The following SPIRE1 variants were observed in gnomAD, a reference collection of about 807,000 sequenced individuals.
SPIRE1 encodes protein spire homolog 1.
A neutral mutation model predicts 94.1 loss-of-function variants in SPIRE1; 40 were observed. The ratio of observed to expected loss-of-function variants is 0.43; its 90% CI spans 0.33 to 0.55. The LOEUF (loss-of-function observed/expected upper bound fraction) is 0.55, where lower values mean the gene tolerates loss of function less well. SPIRE1 is among the 20% of genes least tolerant of loss of function. The pLI is 0.06. For missense variants in SPIRE1, 838 were observed against 975.2 expected (o/e 0.86, Z 1.87); for synonymous variants, 376 against 371.7 (o/e 1.01, Z -0.13).
intron 2 of SPIRE1, among the ~76,000 whole-genome samples, chr18:12,618,382 G>A (rs983417032): frequency 2.0e-5 from 3 of 152,120 alleles, no homozygotes; most frequent in Non-Finnish European, 2.9e-5. Context: ...TTACAGGCGA[G>A]AGCCACCGCG....
At chr18:12,555,783 C>T (rs999563378) in intron 2 of SPIRE1, among the ~76,000 whole-genome samples, 1 of 152,274 alleles carries the variant, frequency 6.6e-6, no homozygotes, top group Admixed American at 6.5e-5. Flanking sequence ...CCACTTTCAT[C>T]ACTGTTATTC....
chr18:12,647,423 C>T (rs2038256039), intron 1 of SPIRE1, among the ~76,000 whole-genome samples: 1 of 152,092 alleles, frequency 6.6e-6, no homozygotes, highest in African/African-American at 2.4e-5. Context: ...AGAGTTTGAA[C>T]ATCAAAAATA....
At chr18:12,626,130 G>T (rs2037619955) in intron 2 of SPIRE1, among the ~76,000 whole-genome samples, 1 of 150,658 alleles carries the variant, frequency 6.6e-6, no homozygotes, top group Non-Finnish European at 1.5e-5. Context: ...AGCTGATTTA[G>T]CTAAAGACAA....
chr18:12,623,022 C>A (rs2037518743), intron 2 of SPIRE1, among the ~76,000 whole-genome samples: 1 of 152,064 alleles, frequency 6.6e-6, no homozygotes, highest in Admixed American at 6.6e-5. Context: ...ATTAATGTGT[C>A]AATATTGTTA....
At chr18:12,533,969 A>ACACACAC (rs1440306764) in intron 4 of SPIRE1, among the ~76,000 whole-genome samples, 6 of 144,844 alleles carry the variant, frequency 4.1e-5, no homozygotes, top group African/African-American at 1.3e-4. Flanking sequence ...ACACACACAC[A>ACACACAC]ACTTATTTAT....
intron 2 of SPIRE1, among the ~76,000 whole-genome samples, chr18:12,621,902 T>C (rs948320061): frequency 2.0e-5 from 3 of 152,202 alleles, no homozygotes; most frequent in Non-Finnish European, 2.9e-5. Flanking sequence ...GAAATGGTCA[T>C]AAACCGAGGA....
chr18:12,468,281 A>G (rs140585868), intron 10 of SPIRE1, among the ~76,000 whole-genome samples: 295 of 152,344 alleles, frequency 1.9e-3, no homozygotes, highest in Middle Eastern at 6.8e-3. Flanking sequence ...GTGGAGCCGG[A>G]GCACACTACT....
Position 12,647,546 on chromosome 18 carries a change from A to C in SPIRE1, c.337+9984T>G, listed in dbSNP as rs1344525765. 2.0e-5 allele frequency among the ~76,000 whole-genome samples: 3 copies of C among 152,154 alleles called. No homozygotes were observed. The East Asian group carries it at 5.8e-4, about 30-fold the overall frequency. ...CAGGAAGATCACTTGAATGGGGTTC[A>C]AGACCAGCCTGGGCAATATAGTGAG... On this transcript the variant is annotated intron_variant, in intron 1 of 16. Coordinates refer to ENST00000409402, the MANE Select transcript of SPIRE1 (RefSeq NM_001128626.2).
At chr18:12,604,404 G>A (rs1056601452) in intron 2 of SPIRE1, among the ~76,000 whole-genome samples, 1 of 152,166 alleles carries the variant, frequency 6.6e-6, no homozygotes, top group Non-Finnish European at 1.5e-5. Context: ...ACTTCTTGGT[G>A]AGCAGAAGTC....
At chr18:12,630,797 G>A (rs1208401381) in intron 2 of SPIRE1, among the ~76,000 whole-genome samples, 1 of 152,202 alleles carries the variant, frequency 6.6e-6, no homozygotes, top group Non-Finnish European at 1.5e-5. Context: ...CAGAAAGGCT[G>A]AACAGGCTGC....
At chr18:12,636,560 C>A (rs1222103928) in intron 1 of SPIRE1, among the ~76,000 whole-genome samples, 1 of 150,952 alleles carries the variant, frequency 6.6e-6, no homozygotes, top group Non-Finnish European at 1.5e-5. Flanking sequence ...ACAACCACAA[C>A]TCCTCATCTC....
At chr18:12,506,736 C>A in intron 5 of SPIRE1, 95 bp from the exon 6 acceptor site, 1 of 1,218,970 alleles carries the variant, frequency 8.2e-7, no homozygotes, top group Non-Finnish European at 1.2e-6. Context: ...GCTTGGATTA[C>A]AAAACAATGA....
At position 12,454,382 on chromosome 18, in the gene SPIRE1, C is replaced by T. The variant is rs2031402749; in HGVS notation, c.1740G>A (p.Gln580=). ...LVKAELEKYQ[Q]YKDIYTALKK... is the part of the protein sequence containing the mutation. ...TCAAGGCGGTGTAGATGTCTTTATA[C>T]TGTTGGTATTTTTCCAGCTCTGCCT... Residue 580 remains glutamine, a synonymous_variant, in exon 13 of 17, where the codon CAG becomes CAA. Coordinates refer to ENST00000409402, the MANE Select transcript of SPIRE1 (RefSeq NM_001128626.2). 2 of 1,613,928 alleles carry T rather than the reference C, an allele frequency of 1.2e-6. No homozygotes were observed. Among genetic ancestry groups the T allele is most frequent in the East Asian group, 2.2e-5 (1 of 44,870 alleles).
intron 1 of SPIRE1, among the ~76,000 whole-genome samples, chr18:12,650,954 A>G (rs1487970074): frequency 1.3e-5 from 2 of 152,058 alleles, no homozygotes; most frequent in Non-Finnish European, 2.9e-5. Flanking sequence ...GAACATCTAA[A>G]CTTACTGTTA....
chr18:12,485,116 T>TC (rs1474587277), intron 9 of SPIRE1, among the ~76,000 whole-genome samples: 1 of 150,670 alleles, frequency 6.6e-6, no homozygotes, highest in Non-Finnish European at 1.5e-5. Flanking sequence ...CTTTTTTTTT[T>TC]TTTTTTGAGA....
chr18:12,497,845 T>A (rs1479268171), intron 6 of SPIRE1, among the ~76,000 whole-genome samples: 1 of 152,244 alleles, frequency 6.6e-6, no homozygotes, highest in East Asian at 1.9e-4. Context: ...ACATGCTTTC[T>A]TTGTATCCTA....
chr18:12,481,285 C>A (rs1242307748), intron 9 of SPIRE1, among the ~76,000 whole-genome samples: 1 of 130,126 alleles, frequency 7.7e-6, no homozygotes. Context: ...AACCCCCGCC[C>A]CCCGCAAGAA....
chr18:12,460,689 G>A (rs187170154), intron 12 of SPIRE1, among the ~76,000 whole-genome samples: 26 of 148,904 alleles, frequency 1.7e-4, no homozygotes, highest in Admixed American at 1.3e-3. Flanking sequence ...TCCAGCCTGC[G>A]CAACAAGAGC....
intron 2 of SPIRE1, among the ~76,000 whole-genome samples, chr18:12,609,871 G>GCT (rs2037090308): frequency 1.3e-5 from 2 of 151,552 alleles, no homozygotes; most frequent in East Asian, 3.9e-4. Flanking sequence ...GTAACCTCCA[G>GCT]AAGTAACGGT....
Sources: allele counts gnomAD v4.1 joint callset (sites outside exome capture counted in the v4.1 genomes callset), GRCh38; gene constraint gnomAD v4.1.1; transcripts MANE v1.5; gene names NCBI Gene and HGNC (gene_info 2026-07-23, HGNC 2026-07-21).